Variants in FAM76B observed in about 807,000 individuals in gnomAD.
The protein encoded by FAM76B is family with sequence similarity 76 member B.
In FAM76B, 16 loss-of-function variants were observed where a neutral mutation model predicts 51.8. The observed-to-expected ratio is 0.31, with a 90% confidence interval of 0.21 to 0.47. FAM76B has a LOEUF of 0.47. Ranked by LOEUF, FAM76B falls within the 20% of genes least tolerant of loss-of-function variation. The pLI is 1.00. For synonymous variants in FAM76B, 166 were observed against 129.5 expected, an observed-to-expected ratio of 1.28 and a Z score of -1.91; for missense variants, 342 against 392.6, an observed-to-expected ratio of 0.87 and a Z score of 1.09.
intron 7 of FAM76B, 41 bp from the exon 8 acceptor site, chr11:95,778,998 G>C: frequency 6.2e-7 from 1 of 1,602,048 alleles, no homozygotes; most frequent in Non-Finnish European, 8.5e-7. Flanking sequence ...TGAAGTAGAA[G>C]GAAAATTAGC....
At chr11:95,784,575 C>T (rs543845304) in intron 4 of FAM76B, among the ~76,000 whole-genome samples, 18 of 150,058 alleles carry the variant, frequency 1.2e-4, no homozygotes, top group East Asian at 3.9e-4. Context: ...TATATATACA[C>T]ACACACACAC....
chr11:95,782,833 A>G (rs1860346495), intron 5 of FAM76B, among the ~76,000 whole-genome samples: 1 of 152,198 alleles, frequency 6.6e-6, no homozygotes, highest in South Asian at 2.1e-4. Flanking sequence ...CATGGTTATA[A>G]TTTTATAGAT....
Position 95,789,645 on chromosome 11 carries a change from C to A in FAM76B, c.-167G>T. Reference sequence around the variant, plus strand: ...GAGCCCAGGGCCCCGCGGACGACGCCACCGTCTCCCTCCGCCTCCACTTCC... The same window carrying A: ...GAGCCCAGGGCCCCGCGGACGACGCAACCGTCTCCCTCCGCCTCCACTTCC... On this transcript the variant is annotated 5_prime_UTR_variant, in exon 1 of 10. Transcript: ENST00000358780. 1.8e-6 allele frequency: 1 copy of A among 541,772 alleles called. No homozygotes were observed. Among genetic ancestry groups the A allele is most frequent in the Non-Finnish European group, 3.2e-6 (1 of 315,736 alleles). The allele number at this position is 541,772 out of a possible 1,614,324, so 33.6% of individuals were successfully genotyped here.
rs780510201 is a variant in FAM76B at position 95,788,864 on chromosome 11, C to T, written c.88-301G>A. On this transcript the variant is annotated intron_variant, in intron 1 of 9. Transcript: ENST00000358780. The stretch of plus-strand genomic sequence containing the variant: ...AACTACTTATTATTTTGCACCGTTG[C>T]TCACAGACAGCATCCAGGCTTTAAT... 3 of 1,382,974 alleles carry T rather than the reference C, an allele frequency of 2.2e-6. No homozygotes were observed. In the South Asian group the frequency reaches 3.7e-5, roughly 17 times the overall value. 85.7% of individuals were successfully genotyped at this position (1,382,974 alleles called of 1,614,324 possible). A position where few individuals can be genotyped will look rare whatever the true frequency, so the allele number is the denominator to read the frequency against.
chr11:95,782,813 T>G (rs1360256011), intron 5 of FAM76B, among the ~76,000 whole-genome samples: 2 of 152,174 alleles, frequency 1.3e-5, no homozygotes, highest in African/African-American at 4.8e-5. Context: ...GTACTTGTAT[T>G]TTGACTTTAC....
At chr11:95,774,013 A>G (rs1859887058) in intron 9 of FAM76B, among the ~76,000 whole-genome samples, 1 of 151,462 alleles carries the variant, frequency 6.6e-6, no homozygotes, top group South Asian at 2.1e-4. Flanking sequence ...GAATCCTACT[A>G]GTATCACTTG....
At chr11:95,773,865 G>A (rs1859879407) in intron 9 of FAM76B, among the ~76,000 whole-genome samples, 1 of 151,144 alleles carries the variant, frequency 6.6e-6, no homozygotes. Context: ...TTCATGTGAT[G>A]TTCAGTGTTT....
intron 2 of FAM76B, among the ~76,000 whole-genome samples, chr11:95,787,968 A>G (rs1860693913): frequency 6.6e-6 from 1 of 152,254 alleles, no homozygotes; most frequent in African/African-American, 2.4e-5. Flanking sequence ...CAGCATTACA[A>G]TACCAGTGCC....
At chr11:95,789,248 G>T in intron 1 of FAM76B, 144 bp downstream of exon 1, 2 of 998,004 alleles carry the variant, frequency 2.0e-6, no homozygotes, top group Non-Finnish European at 2.9e-6. Context: ...CCAGAAAAAG[G>T]GGTCCCCGAG....
At position 95,788,578 on chromosome 11, in the gene FAM76B, T is replaced by C. The variant is rs987362521; in HGVS notation, c.88-15A>G. On this transcript the variant is annotated splice_polypyrimidine_tract_variant and intron_variant, in intron 1 of 9. Coordinates refer to ENST00000358780, the MANE Select transcript of FAM76B (RefSeq NM_144664.5). ...ATCCGACATTCCTGTAATAAGACAA[T>C]ACATTAGTCAGTATCTTTCTGAAAG... 6 of 1,604,194 alleles carry C rather than the reference T, an allele frequency of 3.7e-6. No individual in the cohort carries two copies. Among genetic ancestry groups the C allele is most frequent in the Admixed American group, 3.4e-5 (2 of 59,588 alleles).
At chr11:95,780,315 G>A (rs1860199868) in intron 5 of FAM76B, among the ~76,000 whole-genome samples, 1 of 151,862 alleles carries the variant, frequency 6.6e-6, no homozygotes, top group South Asian at 2.1e-4. Flanking sequence ...ATAATCTGAA[G>A]TAGAGATTCT....
chr11:95,771,467 A>C lies in FAM76B; in HGVS notation c.*94T>G. 2 of 898,200 alleles carry C rather than the reference A, an allele frequency of 2.2e-6. No individual in the cohort carries two copies. The highest frequency in any genetic ancestry group is 3.4e-6 in the Non-Finnish European group (2 of 587,820). 55.6% of individuals were successfully genotyped at this position (898,200 alleles called of 1,614,324 possible). On this transcript the variant is annotated 3_prime_UTR_variant, in exon 10 of 10. Coordinates refer to ENST00000358780, the MANE Select transcript of FAM76B (RefSeq NM_144664.5). The stretch of plus-strand genomic sequence containing the variant: ...ACACACCAATTCATTTGGTGTGCAA[A>C]AATATTTTTCTACTACACAGAATTT...
chr11:95,780,646 T>C (rs984410215), intron 5 of FAM76B, among the ~76,000 whole-genome samples: 2 of 151,988 alleles, frequency 1.3e-5, no homozygotes, highest in Non-Finnish European at 2.9e-5. Context: ...TCACTAACCC[T>C]AGCTTATTCA....
At chr11:95,788,760 T>C (rs1328535018) in intron 1 of FAM76B, 197 bp from the exon 2 acceptor site, 25 of 1,389,338 alleles carry the variant, frequency 1.8e-5, no homozygotes, top group Non-Finnish European at 2.2e-5. Flanking sequence ...GGTGTCTTTG[T>C]CTTTAGTAGA....
intron 4 of FAM76B, among the ~76,000 whole-genome samples, 165 bp from the exon 5 acceptor site, chr11:95,783,429 C>T (rs1860384060): frequency 6.6e-6 from 1 of 152,124 alleles, no homozygotes; most frequent in African/African-American, 2.4e-5. Context: ...TAAAACTGGA[C>T]TTTTCTGAAA....
intron 1 of FAM76B, chr11:95,789,051 G>A (rs866959888): frequency 1.4e-6 from 2 of 1,381,708 alleles, no homozygotes; most frequent in Non-Finnish European, 1.9e-6. Flanking sequence ...GGACAGACCA[G>A]GCAGAAAACC....
chr11:95,783,967 C>T (rs990425922), intron 4 of FAM76B, among the ~76,000 whole-genome samples: 2 of 152,126 alleles, frequency 1.3e-5, no homozygotes, highest in African/African-American at 4.8e-5. Context: ...AGAGTACTGC[C>T]AAAGTGCTGT....
At position 95,789,514 on chromosome 11, in the gene FAM76B, T is replaced by C. The variant is rs1181345077; in HGVS notation, c.-36A>G. On this transcript the variant is annotated 5_prime_UTR_variant, in exon 1 of 10. Coordinates refer to ENST00000358780, the MANE Select transcript of FAM76B (RefSeq NM_144664.5). The stretch of plus-strand genomic sequence containing the variant: ...AGTCTCCTCCTCCGCCGCCGCCCGC[T>C]CCGAGGCGGGGCCCTACGGAGAACC... 2 of 1,554,462 alleles carry C rather than the reference T, an allele frequency of 1.3e-6. No homozygotes were observed. The highest frequency in any genetic ancestry group is 8.7e-7 in the Non-Finnish European group (1 of 1,146,364).
intron 4 of FAM76B, among the ~76,000 whole-genome samples, chr11:95,785,087 T>C (rs1860490311): frequency 6.6e-6 from 1 of 152,216 alleles, no homozygotes; most frequent in Non-Finnish European, 1.5e-5. Context: ...AAATATTACA[T>C]ACAATACACT....
Sources: allele counts gnomAD v4.1 joint callset (sites outside exome capture counted in the v4.1 genomes callset), GRCh38; gene constraint gnomAD v4.1.1; transcripts MANE v1.5; gene names NCBI Gene and HGNC (gene_info 2026-07-23, HGNC 2026-07-21).